The following POLK variants were observed in gnomAD, a reference collection of about 807,000 sequenced individuals.
The protein encoded by POLK is DNA polymerase kappa.
Under a neutral mutation model 94.0 loss-of-function variants are expected in POLK, and 76 were observed. The ratio of observed to expected loss-of-function variants is 0.81; its 90% CI spans 0.67 to 0.98. The LOEUF is 0.98. Among genes scored for constraint, POLK ranks in the 50% least tolerant of loss-of-function variants. The pLI is 0.00. For missense variants in POLK, 954 were observed against 1,010.1 expected, an observed-to-expected ratio of 0.94 and a Z score of 0.75; for synonymous variants, 349 against 325.4, an observed-to-expected ratio of 1.07 and a Z score of -0.78.
At chr5:75,517,911 T>C (rs1768393276) in intron 1 of POLK, among the ~76,000 whole-genome samples, 1 of 152,252 alleles carries the variant, frequency 6.6e-6, no homozygotes, top group Admixed American at 6.5e-5. Context: ...TTTTTGGTTC[T>C]TGATTCTGTT....
chr5:75,586,963 C>A, intron 9 of POLK, 63 bp from the exon 10 acceptor site: 1 of 1,154,730 alleles, frequency 8.7e-7, no homozygotes, highest in South Asian at 1.4e-5. Context: ...ATGTTAAATC[C>A]TCTTGGTTAA....
At position 75,581,421 on chromosome 5, in the gene POLK, C is replaced by T; in HGVS notation, c.907C>T (p.Gln303Ter). ...AAAGGAAATTCGTTTCAGAATTGAG[C>T]AGAAAACAACACTGACAGCCAGTGC... Residue 303 changes from glutamine to a stop codon, truncating the protein, a stop_gained, in exon 7 of 15, where the codon CAG becomes TAG. Transcript: ENST00000241436. LOFTEE classifies it high-confidence loss of function. 1.2e-6 allele frequency: 2 copies of T among 1,613,192 alleles called. No homozygotes were observed. Among genetic ancestry groups the T allele is most frequent in the Non-Finnish European group, 1.7e-6 (2 of 1,179,252 alleles).
intron 1 of POLK, among the ~76,000 whole-genome samples, chr5:75,526,574 G>C (rs180760473): frequency 7.2e-4 from 92 of 127,660 alleles, no homozygotes; most frequent in Non-Finnish European, 1.3e-3. Context: ...TTTTTTTTTT[G>C]TTTTTTTTTT....
chr5:75,530,364 C>T (rs753738051), intron 1 of POLK, among the ~76,000 whole-genome samples: 1 of 136,514 alleles, frequency 7.3e-6, no homozygotes, highest in Non-Finnish European at 1.5e-5. Context: ...ATTCTCCTGC[C>T]TCAGCCTCTT....
At chr5:75,557,510 A>G (rs1770697664) in intron 3 of POLK, among the ~76,000 whole-genome samples, 1 of 152,194 alleles carries the variant, frequency 6.6e-6, no homozygotes, top group Admixed American at 6.5e-5. Context: ...ATGGAGTTAC[A>G]TTTGGATAAA....
At chr5:75,558,229 G>C (rs761364468) in intron 3 of POLK, among the ~76,000 whole-genome samples, 1 of 140,620 alleles carries the variant, frequency 7.1e-6, no homozygotes, top group African/African-American at 3.0e-5. Flanking sequence ...TATAATTTTT[G>C]TTGTTGTTTT....
intron 1 of POLK, among the ~76,000 whole-genome samples, chr5:75,539,464 A>G (rs1021511475): frequency 1.3e-5 from 2 of 152,164 alleles, no homozygotes; most frequent in African/African-American, 4.8e-5. Context: ...AACAATCGCA[A>G]TGTATGTTAG....
chr5:75,528,640 C>T (rs1264101474), intron 1 of POLK, among the ~76,000 whole-genome samples: 1 of 150,604 alleles, frequency 6.6e-6, no homozygotes, highest in Non-Finnish European at 1.5e-5. Flanking sequence ...AGCAAGAACT[C>T]CACTCTACCA....
exon 1 of POLK, chr5:75,511,840 T>G: frequency 6.5e-7 from 1 of 1,548,344 alleles, no homozygotes; most frequent in Non-Finnish European, 8.7e-7. Context: ...GCAGCTGTGC[T>G]GCATTCTGGG....
chr5:75,575,190 G>GT (rs889055191), intron 5 of POLK, among the ~76,000 whole-genome samples: 7 of 151,782 alleles, frequency 4.6e-5, no homozygotes, highest in Non-Finnish European at 7.4e-5. Flanking sequence ...AAGCCCTCCC[G>GT]TTTTTTTTGA....
At chr5:75,554,152 G>C (rs868660685) in intron 3 of POLK, among the ~76,000 whole-genome samples, 59 of 152,238 alleles carry the variant, frequency 3.9e-4, no homozygotes, top group African/African-American at 1.3e-3. Flanking sequence ...TAAGTTACAT[G>C]GCCACACCTA....
chr5:75,575,344 TA>T (rs928164302), intron 5 of POLK, among the ~76,000 whole-genome samples: 4 of 152,192 alleles, frequency 2.6e-5, no homozygotes, highest in African/African-American at 7.2e-5. Context: ...CACACCCACC[TA>T]ATTTTAAAAT....
At chr5:75,567,458 C>T (rs1481762802) in intron 3 of POLK, among the ~76,000 whole-genome samples, 1 of 152,032 alleles carries the variant, frequency 6.6e-6, no homozygotes, top group Non-Finnish European at 1.5e-5. Context: ...TTGAAAGGTT[C>T]CATTTATTAG....
chr5:75,521,697 C>T (rs1350787347), intron 1 of POLK, among the ~76,000 whole-genome samples: 1 of 151,870 alleles, frequency 6.6e-6, no homozygotes, highest in African/African-American at 2.4e-5. Context: ...TTATTTTAGT[C>T]TTCTCTGACT....
At chr5:75,576,568 C>T (rs995811943) in intron 5 of POLK, among the ~76,000 whole-genome samples, 1 of 152,062 alleles carries the variant, frequency 6.6e-6, no homozygotes, top group Non-Finnish European at 1.5e-5. Context: ...ATTTTATGGT[C>T]TTCTGCCTTC....
At chr5:75,559,437 A>C (rs1770830295) in intron 3 of POLK, among the ~76,000 whole-genome samples, 2 of 150,962 alleles carry the variant, frequency 1.3e-5, no homozygotes, top group South Asian at 2.1e-4. Context: ...TTTATGTTAC[A>C]TTGCATGACA....
chr5:75,564,187 A>C (rs1052070948), intron 3 of POLK, among the ~76,000 whole-genome samples: 3 of 151,704 alleles, frequency 2.0e-5, no homozygotes, highest in African/African-American at 7.3e-5. Flanking sequence ...TTGGTTTAAA[A>C]TCTGTTTTAT....
chr5:75,585,974 T>C (rs1156932968), intron 9 of POLK, among the ~76,000 whole-genome samples: 1 of 152,198 alleles, frequency 6.6e-6, no homozygotes, highest in African/African-American at 2.4e-5. Context: ...CACAGTTAGC[T>C]GACTTTGATC....
At position 75,515,740 on chromosome 5, in the gene POLK, C is replaced by A. The variant is rs1368594510; in HGVS notation, c.-14+3826C>A. Among the ~76,000 whole-genome samples the A allele has an allele frequency of 3.9e-5, 6 of 152,286 alleles. No individual in the cohort carries two copies. In the East Asian group the frequency reaches 1.2e-3, roughly 29 times the overall value. ...TTCCCACCAACAGTGTAGCAGGGTT[C>A]CCCTTTCTCCACATCCTTGCCACCA... On this transcript the variant is annotated intron_variant, in intron 1 of 14. Transcript: ENST00000241436.
Sources: allele counts gnomAD v4.1 joint callset (sites outside exome capture counted in the v4.1 genomes callset), GRCh38; gene constraint gnomAD v4.1.1; transcripts MANE v1.5; gene names NCBI Gene and HGNC (gene_info 2026-07-23, HGNC 2026-07-21).